The following CFAP184 variants were observed in gnomAD, a reference collection of about 807,000 sequenced individuals.
CFAP184 encodes cilia- and flagella-associated protein 184.
At chr4:7,042,860 T>A in the CFAP184 span, 1 of 1,572,920 alleles carries the variant, frequency 6.4e-7, no homozygotes, top group South Asian at 1.1e-5. Flanking sequence ...GCCTTGATCT[T>A]GGACGGCCGC....
chr4:7,041,342 C>T, the CFAP184 span: 14 of 1,614,034 alleles, frequency 8.7e-6, no homozygotes, highest in East Asian at 2.9e-4. Context: ...GTGAGGCTAG[C>T]GTGGTGGCGC....
chr4:7,042,336 G>C, the CFAP184 span: 1 of 1,606,346 alleles, frequency 6.2e-7, no homozygotes, highest in Non-Finnish European at 8.5e-7. Flanking sequence ...CCCTTCCATA[G>C]AGGCGCTTCC....
the CFAP184 span, chr4:7,041,509 A>T: frequency 6.8e-6 from 11 of 1,614,086 alleles, no homozygotes; most frequent in Middle Eastern, 1.6e-4. Flanking sequence ...CTTGGTCAGG[A>T]TGTCTCTTCC....
the CFAP184 span, chr4:7,042,293 C>A: frequency 6.3e-7 from 1 of 1,587,770 alleles, no homozygotes; most frequent in Non-Finnish European, 8.6e-7. Flanking sequence ...AGCTTCTGGA[C>A]CTCCTCGGAC....
At chr4:7,042,130 T>A in the CFAP184 span, 1 of 1,606,420 alleles carries the variant, frequency 6.2e-7, no homozygotes, top group Non-Finnish European at 8.5e-7. Context: ...TGCGCCCCGG[T>A]CAGCCACCTC....
the CFAP184 span, chr4:7,041,644 A>G: frequency 6.2e-7 from 1 of 1,614,194 alleles, no homozygotes; most frequent in Admixed American, 1.7e-5. Flanking sequence ...CTTGCTGCGA[A>G]GTTTTAAAAG....
At chr4:7,042,377 C>T in the CFAP184 span, 1 of 1,611,752 alleles carries the variant, frequency 6.2e-7, no homozygotes, top group Non-Finnish European at 8.5e-7. Context: ...GGGCGTCCTT[C>T]CCCATCCCTC....
chr4:7,042,367 G>T, the CFAP184 span: 2 of 1,610,364 alleles, frequency 1.2e-6, no homozygotes, highest in African/African-American at 1.3e-5. Flanking sequence ...GCTTTTGGCC[G>T]GGCGTCCTTC....
the CFAP184 span, chr4:7,042,802 T>C: frequency 5.1e-6 from 8 of 1,559,036 alleles, no homozygotes; most frequent in Non-Finnish European, 6.1e-6. Context: ...CTCCTCCGGC[T>C]CCGACTCCAG....
the CFAP184 span, chr4:7,041,084 C>T: frequency 1.2e-6 from 1 of 803,692 alleles, no homozygotes; most frequent in Non-Finnish European, 1.8e-6. Context: ...TTGCTCAATC[C>T]CAGATAAAAC....
At chr4:7,042,536 C>G in the CFAP184 span, 1 of 1,593,114 alleles carries the variant, frequency 6.3e-7, no homozygotes, top group Non-Finnish European at 8.6e-7. Context: ...ACTTCCTTCC[C>G]CTCTGCCGCC....
At chr4:7,042,995 G>A in the CFAP184 span, 1 of 1,375,996 alleles carries the variant, frequency 7.3e-7, no homozygotes, top group Non-Finnish European at 9.4e-7. Context: ...AGGTTTCCCG[G>A]GGCAACAGAA....
At chr4:7,041,797 T>C in the CFAP184 span, 1 of 1,611,698 alleles carries the variant, frequency 6.2e-7, no homozygotes, top group Non-Finnish European at 8.5e-7. Flanking sequence ...CTGCTTCAGC[T>C]GAATGTTCTC....
chr4:7,042,779 GCTCCTC>G, the CFAP184 span: 33 of 1,542,382 alleles, frequency 2.1e-5, no homozygotes, highest in Middle Eastern at 1.7e-4. Flanking sequence ...GAAGCCGCTT[GCTCCTC>G]CTCCTCCTCC....
At chr4:7,041,359 G>A in the CFAP184 span, 29 of 1,614,232 alleles carry the variant, frequency 1.8e-5, no homozygotes, top group East Asian at 6.2e-4. Flanking sequence ...GCGCTTCAGG[G>A]ATTCCAGGCG....
the CFAP184 span, chr4:7,041,593 T>C: frequency 2.5e-6 from 4 of 1,614,260 alleles, no homozygotes; most frequent in Non-Finnish European, 3.4e-6. Context: ...GAAGTGCAGC[T>C]TTTCCTTCAC....
chr4:7,041,823 C>T, the CFAP184 span: 2 of 1,610,066 alleles, frequency 1.2e-6, no homozygotes, highest in South Asian at 2.2e-5. Context: ...GCACGGCGCT[C>T]ATCTCCTTCT....
Sources: allele counts gnomAD v4.1 joint callset, GRCh38; gene constraint gnomAD v4.1.1; transcripts MANE v1.5; gene names NCBI Gene and HGNC (gene_info 2026-07-23, HGNC 2026-07-21).